The following ZBTB7C variants were observed in gnomAD, a reference collection of about 807,000 sequenced individuals.
ZBTB7C encodes the protein zinc finger and BTB domain containing 7C.
In ZBTB7C, 8 loss-of-function variants were observed where a neutral mutation model predicts 25.7. That is an observed-to-expected ratio of 0.31 (90% CI 0.18 to 0.56). The LOEUF is 0.56. Among genes scored for constraint, ZBTB7C ranks in the 20% least tolerant of loss-of-function variants. The pLI, the probability that ZBTB7C is intolerant of heterozygous loss-of-function variation, is 0.91. For synonymous variants in ZBTB7C, 394 were observed against 369.0 expected (o/e 1.07, Z -0.78); for missense variants, 824 against 855.2 (o/e 0.96, Z 0.46).
chr18:48,126,407 T>C (rs1420865123), intron 3 of ZBTB7C, among the ~76,000 whole-genome samples: 1 of 152,202 alleles, frequency 6.6e-6, no homozygotes, highest in Admixed American at 6.5e-5. Context: ...AGCGGCGCTC[T>C]GAGGACAGCC....
At chr18:48,295,795 G>GC (rs1420517533) in intron 2 of ZBTB7C, among the ~76,000 whole-genome samples, 1 of 152,114 alleles carries the variant, frequency 6.6e-6, no homozygotes, top group Non-Finnish European at 1.5e-5. Context: ...GTCCGCATTG[G>GC]CTTCTCCTCC....
At chr18:48,367,705 T>A (rs1450411231) in intron 1 of ZBTB7C, among the ~76,000 whole-genome samples, 1 of 151,870 alleles carries the variant, frequency 6.6e-6, no homozygotes, top group Non-Finnish European at 1.5e-5. Flanking sequence ...ATGGGGAGCC[T>A]AGACTTCCAC....
At chr18:48,386,765 A>T (rs2047758430) in intron 1 of ZBTB7C, among the ~76,000 whole-genome samples, 1 of 152,242 alleles carries the variant, frequency 6.6e-6, no homozygotes, top group East Asian at 1.9e-4. Context: ...AGGAAATTCT[A>T]GCCTTATTGT....
At chr18:48,170,520 A>C (rs1313103228) in intron 3 of ZBTB7C, among the ~76,000 whole-genome samples, 1 of 151,980 alleles carries the variant, frequency 6.6e-6, no homozygotes, top group Non-Finnish European at 1.5e-5. Context: ...AGCTCACCAA[A>C]CCCGGGGCAG....
chr18:48,375,339 G>T (rs1367758546), intron 1 of ZBTB7C, among the ~76,000 whole-genome samples: 1 of 152,188 alleles, frequency 6.6e-6, no homozygotes, highest in African/African-American at 2.4e-5. Context: ...GATCGACCAG[G>T]AAACCCAATT....
At chr18:48,385,801 C>A (rs1295448148) in intron 1 of ZBTB7C, among the ~76,000 whole-genome samples, 1 of 152,210 alleles carries the variant, frequency 6.6e-6, no homozygotes, top group Non-Finnish European at 1.5e-5. Context: ...GCTTCTCACT[C>A]CTCGCCAGCC....
chr18:48,410,521 T>A (rs533759155), upstream of ZBTB7C, among the ~76,000 whole-genome samples: 107 of 152,066 alleles, frequency 7.0e-4, no homozygotes, highest in African/African-American at 2.5e-3. Flanking sequence ...GGACGCCGAG[T>A]GCTCAGCGGT....
intron 3 of ZBTB7C, among the ~76,000 whole-genome samples, chr18:48,053,970 G>A (rs555856549): frequency 6.6e-6 from 1 of 152,232 alleles, no homozygotes; most frequent in Non-Finnish European, 1.5e-5. Context: ...TAGCTTGTGC[G>A]AAGGCATGCG....
intron 3 of ZBTB7C, among the ~76,000 whole-genome samples, chr18:48,080,936 G>C (rs557205774): frequency 2.1e-4 from 32 of 152,274 alleles, no homozygotes; most frequent in African/African-American, 7.2e-4. Context: ...CTTGAGATTC[G>C]TGTATTCTTT....
At chr18:48,322,156 C>T (rs1386611467) in intron 2 of ZBTB7C, among the ~76,000 whole-genome samples, 2 of 152,188 alleles carry the variant, frequency 1.3e-5, no homozygotes, top group African/African-American at 4.8e-5. Context: ...TGGCCTTCAT[C>T]AGATTAGTTT....
At chr18:48,112,187 A>T (rs2039265154) in intron 3 of ZBTB7C, among the ~76,000 whole-genome samples, 1 of 151,962 alleles carries the variant, frequency 6.6e-6, no homozygotes, top group African/African-American at 2.4e-5. Flanking sequence ...ATATATGTTC[A>T]TAGAAAAATG....
intron 3 of ZBTB7C, chr18:48,136,929 C>T (rs993068260): frequency 1.0e-6 from 1 of 967,352 alleles, no homozygotes; most frequent in Middle Eastern, 5.3e-4. Context: ...CCCCCACCCC[C>T]TCCCCACGGC....
intron 3 of ZBTB7C, chr18:48,180,338 A>G (rs1161642983): frequency 4.4e-6 from 2 of 456,382 alleles, no homozygotes; most frequent in African/African-American, 2.0e-5. Context: ...ACCTGTTCAT[A>G]TTTCAGATGG....
At chr18:48,296,892 C>T (rs1343428718) in intron 2 of ZBTB7C, among the ~76,000 whole-genome samples, 1 of 152,202 alleles carries the variant, frequency 6.6e-6, no homozygotes, top group Non-Finnish European at 1.5e-5. Flanking sequence ...GGCTTGAGTC[C>T]AGGAGTTCAA....
rs964031905 is a variant in ZBTB7C at position 48,197,770 on chromosome 18, T to C, written c.-78-11775A>G. On this transcript the variant is annotated intron_variant, in intron 2 of 4. Transcript: ENST00000590800. ...CCATGGGATCAGGGCTCCACCTTTA[T>C]GACCTTGCTTAATCTTAATTCCTTC... is the stretch of plus-strand genomic sequence containing the variant. Among the ~76,000 whole-genome samples the C allele has an allele frequency of 2.2e-4, 33 of 152,230 alleles. 1 individual carries two copies. The highest frequency in any genetic ancestry group is 5.9e-5 in the Non-Finnish European group (4 of 68,030).
At chr18:48,340,636 C>CA (rs1442686071) in intron 1 of ZBTB7C, among the ~76,000 whole-genome samples, 1 of 150,394 alleles carries the variant, frequency 6.6e-6, no homozygotes, top group African/African-American at 2.4e-5. Flanking sequence ...AGCTACAGCA[C>CA]ATTCATTTTT....
At chr18:48,339,767 G>A (rs1038626011) in intron 1 of ZBTB7C, among the ~76,000 whole-genome samples, 1 of 152,256 alleles carries the variant, frequency 6.6e-6, no homozygotes, top group Non-Finnish European at 1.5e-5. Flanking sequence ...CCTCATAGGA[G>A]GGTCGAAGAG....
upstream of ZBTB7C, among the ~76,000 whole-genome samples, chr18:48,412,213 G>A (rs2048387019): frequency 6.6e-6 from 1 of 152,180 alleles, no homozygotes; most frequent in Non-Finnish European, 1.5e-5. Flanking sequence ...ATTGTAAATT[G>A]TCAATATTAG....
chr18:48,139,379 G>A (rs1186121605), intron 3 of ZBTB7C, among the ~76,000 whole-genome samples: 1 of 152,146 alleles, frequency 6.6e-6, no homozygotes, highest in African/African-American at 2.4e-5. Context: ...AAACCCAGCT[G>A]GAGCGGGATG....
Sources: allele counts gnomAD v4.1 joint callset (sites outside exome capture counted in the v4.1 genomes callset), GRCh38; gene constraint gnomAD v4.1.1; transcripts MANE v1.5; gene names NCBI Gene and HGNC (gene_info 2026-07-23, HGNC 2026-07-21).